The following KCNQ1 variants were observed in gnomAD, a reference collection of about 807,000 sequenced individuals.
KCNQ1 encodes potassium voltage-gated channel subfamily Q member 1, also known as potassium voltage-gated channel subfamily KQT member 1.
KCNQ1 carries 49 observed loss-of-function variants against 72.4 expected under a neutral mutation model. The ratio of observed to expected loss-of-function variants is 0.68; its 90% CI spans 0.54 to 0.86. The LOEUF is 0.86. KCNQ1 is among the 40% of genes least tolerant of loss of function. The pLI is 0.00. For missense variants in KCNQ1, 790 were observed against 945.1 expected (o/e 0.84, Z 2.15); for synonymous variants, 450 against 412.6 (o/e 1.09, Z -1.10).
intron 11 of KCNQ1, chr11:2,667,813 A>G (rs1175212013): frequency 2.5e-6 from 1 of 398,674 alleles, no homozygotes; most frequent in Non-Finnish European, 4.4e-6. Flanking sequence ...CTACCCTGGT[A>G]TAGGGTGGTG....
intron 11 of KCNQ1, among the ~76,000 whole-genome samples, chr11:2,753,128 T>G (rs1846251549): frequency 6.6e-6 from 1 of 152,194 alleles, no homozygotes; most frequent in Non-Finnish European, 1.5e-5. Flanking sequence ...TTCTGTTGCA[T>G]TTGGGCCAGG....
chr11:2,513,215 A>G (rs1477451187), intron 1 of KCNQ1, among the ~76,000 whole-genome samples: 1 of 152,082 alleles, frequency 6.6e-6, no homozygotes, highest in East Asian at 1.9e-4. Flanking sequence ...TGGCCGTGTC[A>G]TTGCACAACT....
At chr11:2,699,433 T>G (rs1364182921) in intron 11 of KCNQ1, 1 of 399,486 alleles carries the variant, frequency 2.5e-6, no homozygotes. Context: ...GAGGAGAGTC[T>G]GGGAGAACCG....
intron 1 of KCNQ1, among the ~76,000 whole-genome samples, chr11:2,500,146 C>G (rs1242241091): frequency 6.6e-6 from 1 of 152,160 alleles, no homozygotes; most frequent in Non-Finnish European, 1.5e-5. Context: ...ACACAACTTA[C>G]CAAAACCTGT....
chr11:2,542,979 C>G (rs531334840), intron 2 of KCNQ1, among the ~76,000 whole-genome samples: 1 of 152,028 alleles, frequency 6.6e-6, no homozygotes, highest in Non-Finnish European at 1.5e-5. Flanking sequence ...AACTCATCAA[C>G]CCTTGACGTG....
Position 2,478,124 on chromosome 11 carries a change from C to T in KCNQ1, c.386+32640C>T, listed in dbSNP as rs543380153. Among the ~76,000 whole-genome samples, 2 of 150,876 alleles carry T rather than the reference C, an allele frequency of 1.3e-5. No homozygotes were observed. Among genetic ancestry groups the T allele is most frequent in the South Asian group, 4.3e-4 (2 of 4,606 alleles). Reference sequence around the variant, plus strand: ...GATGGACAGCCTCGGTAGCAGAACTCCTGCCAAAGACACAGCTGTCCAGGG... The same window carrying T: ...GATGGACAGCCTCGGTAGCAGAACTTCTGCCAAAGACACAGCTGTCCAGGG... On this transcript the variant is annotated intron_variant, in intron 1 of 15. Coordinates refer to ENST00000155840, the MANE Select transcript of KCNQ1 (RefSeq NM_000218.3). This position sits in a 1 kb window ranked among gnomAD's most constrained non-coding sequence, Gnocchi z 4.0.
At chr11:2,467,267 G>A (rs150356797) in intron 1 of KCNQ1, among the ~76,000 whole-genome samples, 215 of 152,262 alleles carry the variant, frequency 1.4e-3, no homozygotes, top group African/African-American at 4.6e-3. Flanking sequence ...AGCCATGAGC[G>A]CCCTTCGTGG....
At chr11:2,742,332 G>A (rs988648671) in intron 11 of KCNQ1, among the ~76,000 whole-genome samples, 11 of 152,220 alleles carry the variant, frequency 7.2e-5, no homozygotes, top group East Asian at 1.9e-4. Flanking sequence ...CAGCTACAAT[G>A]AGAGGCATCA....
In KCNQ1 at chr11:2,713,646, T is replaced by C. The variant is rs1851042599; in HGVS notation, c.1514+51565T>C. Among the ~76,000 whole-genome samples the C allele has an allele frequency of 1.3e-5, 2 of 152,144 alleles. No individual in the cohort carries two copies. The highest frequency in any genetic ancestry group is 4.1e-4 in the South Asian group (2 of 4,826). On this transcript the variant is annotated intron_variant, in intron 11 of 15. Transcript: ENST00000155840. The surrounding 1 kb of genome is among the most constrained non-coding windows in gnomAD (Gnocchi z 5.6). Reference sequence around the variant, plus strand: ...GCTGACATTATGGGTCGGCCCCTGTTCTGGAGGCCACAGCCACAGGCTCTG... The same window carrying C: ...GCTGACATTATGGGTCGGCCCCTGTCCTGGAGGCCACAGCCACAGGCTCTG...
At position 2,507,494 on chromosome 11, in the gene KCNQ1, C is replaced by A. The variant is rs538745407; in HGVS notation, c.387-20434C>A. Among the ~76,000 whole-genome samples the A allele has an allele frequency of 6.6e-6, 1 of 152,102 alleles. No homozygotes were observed. Among genetic ancestry groups the A allele is most frequent in the African/African-American group, 2.4e-5 (1 of 41,400 alleles). ...CAGGGTTTGCAGGTAGATAAGGTGG[C>A]GGGTGCAGCGGGAGGAAGAGAAAAG... On this transcript the variant is annotated intron_variant, in intron 1 of 15. Coordinates refer to ENST00000155840, the MANE Select transcript of KCNQ1 (RefSeq NM_000218.3). The surrounding 1 kb of genome is among the most constrained non-coding windows in gnomAD (Gnocchi z 5.4).
At position 2,690,963 on chromosome 11, in the gene KCNQ1, T is replaced by A. The variant is rs1393565240; in HGVS notation, c.1514+28882T>A. 1 of 398,534 alleles carries A rather than the reference T, an allele frequency of 2.5e-6. No homozygotes were observed. The highest frequency in any genetic ancestry group is 2.1e-5 in the African/African-American group (1 of 48,622). 24.7% of individuals were successfully genotyped at this position (398,534 alleles called of 1,614,324 possible). A position where few individuals can be genotyped will look rare whatever the true frequency, so the allele number is the denominator to read the frequency against. On this transcript the variant is annotated intron_variant, in intron 11 of 15. Transcript: ENST00000155840. This position sits in a 1 kb window ranked among gnomAD's most constrained non-coding sequence, Gnocchi z 5.1. ...AAGGTTCATTTGGGAGTCACGGGTA[T>A]GTGTCAACAAAAGCCCACCAGACCA...
intron 15 of KCNQ1, among the ~76,000 whole-genome samples, chr11:2,797,702 T>A (rs1240010637): frequency 6.6e-6 from 1 of 152,042 alleles, no homozygotes; most frequent in Non-Finnish European, 1.5e-5. Context: ...CCGTACTTCC[T>A]CCATTCTGCC....
At chr11:2,512,220 A>C (rs1027166087) in intron 1 of KCNQ1, among the ~76,000 whole-genome samples, 3 of 152,160 alleles carry the variant, frequency 2.0e-5, no homozygotes, top group Non-Finnish European at 4.4e-5. Context: ...TGAGAACCGC[A>C]CATGCTCAGC....
chr11:2,650,862 G>A, intron 10 of KCNQ1: 1 of 398,632 alleles, frequency 2.5e-6, no homozygotes. Context: ...TGAGTGAGAT[G>A]ATTTATAGTC....
rs1245392186 is a variant in KCNQ1, at chr11:2,567,405, CA to C, written c.478-3222del. On this transcript the variant is annotated intron_variant, in intron 2 of 15. Transcript: ENST00000155840. The surrounding 1 kb of genome is among the most constrained non-coding windows in gnomAD (Gnocchi z 6.6). ...AGACTGGGGATGTGGTCCCGTGAAT[CA>C]GGGGTGGGCCATGGCATGGCGTGGG... is the stretch of plus-strand genomic sequence containing the variant. Among the ~76,000 whole-genome samples, 6 of 152,132 alleles carry C rather than the reference CA, an allele frequency of 3.9e-5. No homozygotes were observed. The highest frequency in any genetic ancestry group is 5.9e-5 in the Non-Finnish European group (4 of 68,018).
Position 2,803,313 on chromosome 11 carries a change from G to A in KCNQ1, c.1794+25276G>A, listed in dbSNP as rs565046884. Among the ~76,000 whole-genome samples the A allele has an allele frequency of 5.6e-4, 86 of 152,360 alleles. No homozygotes were observed. Among genetic ancestry groups the A allele is most frequent in the African/African-American group, 2.0e-3 (84 of 41,578 alleles). On this transcript the variant is annotated intron_variant, in intron 15 of 15. Coordinates refer to ENST00000155840, the MANE Select transcript of KCNQ1 (RefSeq NM_000218.3). This position sits in a 1 kb window ranked among gnomAD's most constrained non-coding sequence, Gnocchi z 6.4. ...CGGAGTCAGCAAGGGCTTCCTGGGG[G>A]CCCAGGTCAGCCTGGACGGTGGCAG...
At chr11:2,841,253 G>A (rs766763558) in intron 15 of KCNQ1, among the ~76,000 whole-genome samples, 13 of 152,188 alleles carry the variant, frequency 8.5e-5, no homozygotes, top group African/African-American at 1.4e-4. Flanking sequence ...GCTCAGTGCC[G>A]GAGAGGGGCC....
At chr11:2,502,309 C>CA (rs971582950) in intron 1 of KCNQ1, among the ~76,000 whole-genome samples, 1 of 151,998 alleles carries the variant, frequency 6.6e-6, no homozygotes, top group Non-Finnish European at 1.5e-5. Flanking sequence ...AAAGACCCCA[C>CA]AAAAAAACTA....
Position 2,612,301 on chromosome 11 carries a change from G to C in KCNQ1, c.1393+23447G>C. 1 of 398,620 alleles carries C rather than the reference G, an allele frequency of 2.5e-6. No individual in the cohort carries two copies. Among genetic ancestry groups the C allele is most frequent in the Non-Finnish European group, 4.4e-6 (1 of 226,064 alleles). 24.7% of individuals were successfully genotyped at this position (398,620 alleles called of 1,614,324 possible). A position where few individuals can be genotyped will look rare whatever the true frequency, so the allele number is the denominator to read the frequency against. On this transcript the variant is annotated intron_variant, in intron 10 of 15. Transcript: ENST00000155840. The surrounding 1 kb of genome is among the most constrained non-coding windows in gnomAD (Gnocchi z 5.5). ...GTGAGGGATCTAGGTTGTGCACTCC[G>C]TATGAGAATCTAACTAAAGCCTCCC...
Sources: gnomAD v4.1 joint callset for allele counts (sites outside exome capture counted in the v4.1 genomes callset) on GRCh38, gnomAD v4.1.1 for gene constraint, Gnocchi (gnomAD v3.1) non-coding constraint, MANE v1.5 for transcripts, NCBI Gene and HGNC (gene_info 2026-07-23, HGNC 2026-07-21) for gene names.